Variants in NCKAP1 observed in about 807,000 individuals in gnomAD.
NCKAP1 encodes NCK associated protein 1, also known as nck-associated protein 1.
Under a neutral mutation model 151.2 loss-of-function variants are expected in NCKAP1, and 21 were observed. The ratio of observed to expected loss-of-function variants is 0.14; its 90% CI spans 0.10 to 0.20. NCKAP1 has a LOEUF of 0.20. NCKAP1 is among the 10% of genes least tolerant of loss of function. NCKAP1 has a pLI of 1.00. For missense variants in NCKAP1, 933 were observed against 1,352.1 expected, an observed-to-expected ratio of 0.69 and a Z score of 4.86; for synonymous variants, 484 against 451.8, an observed-to-expected ratio of 1.07 and a Z score of -0.90.
chr2:183,037,932 T>A (rs1292248738), intron 1 of NCKAP1, 60 bp downstream of exon 1: 9 of 1,351,958 alleles, frequency 6.7e-6, no homozygotes, highest in Non-Finnish European at 9.0e-6. Flanking sequence ...CGGCCTCCCT[T>A]GCCCTTCATC....
intron 23 of NCKAP1, among the ~76,000 whole-genome samples, chr2:182,944,918 A>T (rs1322023843): frequency 6.6e-6 from 1 of 152,194 alleles, no homozygotes; most frequent in African/African-American, 2.4e-5. Flanking sequence ...CCTGGGCAAC[A>T]CAGCAATATT....
rs1446756461 is a variant in NCKAP1, at chr2:182,923,734, TAGA to T, written c.*1965_*1967del. On this transcript the variant is annotated 3_prime_UTR_variant, in exon 31 of 31. Coordinates refer to ENST00000361354, the MANE Select transcript of NCKAP1 (RefSeq NM_013436.5). ...AAAATAGTATGTTGTTGTGTAAGTTTAGAAGAAAATAAAACAAACAAGATATTA... is the reference window on the plus strand; with the variant it reads ...AAAATAGTATGTTGTTGTGTAAGTTTAGAAAATAAAACAAACAAGATATTA... The T allele has an allele frequency of 6.6e-6, 1 of 152,224 alleles. No homozygotes were observed. Among genetic ancestry groups the T allele is most frequent in the Non-Finnish European group, 1.5e-5 (1 of 68,026 alleles). The allele number at this position is 152,224 out of a possible 1,614,324, so 9.4% of individuals were successfully genotyped here.
intron 24 of NCKAP1, among the ~76,000 whole-genome samples, chr2:182,937,550 T>G (rs1199062556): frequency 6.6e-6 from 1 of 152,160 alleles, no homozygotes. Flanking sequence ...AAGGAGTTTA[T>G]ACTGTATCCT....
intron 18 of NCKAP1, among the ~76,000 whole-genome samples, chr2:182,960,940 CAGA>C (rs956356455): frequency 8.5e-5 from 13 of 152,186 alleles, no homozygotes; most frequent in Admixed American, 6.5e-4. Flanking sequence ...AGACACTTCT[CAGA>C]AGAAGACATT....
chr2:182,989,294 T>C, intron 8 of NCKAP1, 108 bp from the exon 9 acceptor site: 1 of 750,864 alleles, frequency 1.3e-6, no homozygotes, highest in Non-Finnish European at 2.1e-6. Flanking sequence ...ATCACTAAAT[T>C]GAGGCTTCTG....
At chr2:182,938,874 A>G (rs1696935643) in intron 24 of NCKAP1, among the ~76,000 whole-genome samples, 1 of 152,206 alleles carries the variant, frequency 6.6e-6, no homozygotes, top group African/African-American at 2.4e-5. Flanking sequence ...AGCCAGAACA[A>G]GGAGTTCAAT....
chr2:183,000,298 A>G (rs965232537), intron 6 of NCKAP1, among the ~76,000 whole-genome samples: 1 of 152,212 alleles, frequency 6.6e-6, no homozygotes, highest in African/African-American at 2.4e-5. Flanking sequence ...CCTACTATAT[A>G]CTGAATTTGT....
chr2:182,969,768 CAGA>C (rs1358640173), intron 15 of NCKAP1, among the ~76,000 whole-genome samples: 1 of 151,674 alleles, frequency 6.6e-6, no homozygotes, highest in African/African-American at 2.4e-5. Flanking sequence ...CCAAAGTTAG[CAGA>C]AGGAGATAAG....
chr2:182,948,444 C>G (rs1324817701), intron 23 of NCKAP1, among the ~76,000 whole-genome samples: 1 of 151,936 alleles, frequency 6.6e-6, no homozygotes, highest in Non-Finnish European at 1.5e-5. Flanking sequence ...AATATCTGAG[C>G]GAGAATACAG....
chr2:183,027,213 T>A (rs1698914969), intron 1 of NCKAP1, among the ~76,000 whole-genome samples: 1 of 152,184 alleles, frequency 6.6e-6, no homozygotes, highest in Non-Finnish European at 1.5e-5. Context: ...GTGCCTCAGT[T>A]TCTTCAACTG....
Position 183,028,171 on chromosome 2 carries a change from A to AT in NCKAP1, c.109-4256dup, listed in dbSNP as rs201216817. 2.6e-5 allele frequency among the ~76,000 whole-genome samples: 4 copies of AT among 152,014 alleles called. No homozygotes were observed. The East Asian group carries it at 7.7e-4, about 29-fold the overall frequency. On this transcript the variant is annotated intron_variant, in intron 1 of 30. Transcript: ENST00000361354. ...TGTAAAATGATGTCTAAATCCCTGA[A>AT]TTTTATAGCCCTACCAAAAAAAAAA... is the stretch of plus-strand genomic sequence containing the variant.
chr2:182,940,481 C>T (rs540276677), intron 24 of NCKAP1, among the ~76,000 whole-genome samples: 9 of 151,996 alleles, frequency 5.9e-5, no homozygotes, highest in African/African-American at 2.2e-4. Flanking sequence ...CTCTTGTCGC[C>T]CAGGCTGTAG....
chr2:182,910,132 T>G lies in NCKAP1; in HGVS notation c.*15570A>C, dbSNP rs1205878105. On this transcript the variant is annotated 3_prime_UTR_variant, in exon 31 of 31. Coordinates refer to ENST00000361354, the MANE Select transcript of NCKAP1 (RefSeq NM_013436.5). ...TCTTTAACTGGTTCAGACTCTACTA[T>G]CTTGGAGGACTGCAGGTGCCCTGGT... The G allele has an allele frequency of 6.6e-6, 1 of 152,252 alleles. No individual in the cohort carries two copies. Among genetic ancestry groups the G allele is most frequent in the Non-Finnish European group, 1.5e-5 (1 of 68,080 alleles). The allele number at this position is 152,252 out of a possible 1,614,324, so 9.4% of individuals were successfully genotyped here.
intron 23 of NCKAP1, among the ~76,000 whole-genome samples, chr2:182,943,112 T>C (rs1349552803): frequency 6.6e-6 from 1 of 152,174 alleles, no homozygotes. Flanking sequence ...TTGTTCTCTA[T>C]AATGGTTCTC....
At chr2:183,030,307 G>C (rs774255466) in intron 1 of NCKAP1, among the ~76,000 whole-genome samples, 4 of 152,210 alleles carry the variant, frequency 2.6e-5, no homozygotes, top group Middle Eastern at 3.4e-3. Flanking sequence ...TTACAAGCAC[G>C]CACTACTACT....
At position 183,007,458 on chromosome 2, in the gene NCKAP1, A is replaced by G. The variant is rs532320439; in HGVS notation, c.220-4133T>C. 2.0e-5 allele frequency among the ~76,000 whole-genome samples: 3 copies of G among 152,304 alleles called. No individual in the cohort carries two copies. In the East Asian group the frequency reaches 5.8e-4, roughly 29 times the overall value. On this transcript the variant is annotated intron_variant, in intron 2 of 30. Coordinates refer to ENST00000361354, the MANE Select transcript of NCKAP1 (RefSeq NM_013436.5). ...AAAATTGAAATTTATTATGTATTCT[A>G]AATCCTAAAGTATTTCATTCTTCCA...
intron 1 of NCKAP1, among the ~76,000 whole-genome samples, chr2:183,031,659 A>G (rs1237477064): frequency 2.0e-5 from 3 of 152,198 alleles, no homozygotes; most frequent in Non-Finnish European, 4.4e-5. Context: ...CCATTTCCTC[A>G]GCTCTTACGC....
At chr2:183,009,806 G>A (rs1183748957) in intron 2 of NCKAP1, among the ~76,000 whole-genome samples, 1 of 152,110 alleles carries the variant, frequency 6.6e-6, no homozygotes, top group Non-Finnish European at 1.5e-5. Flanking sequence ...CCAGAAAAGG[G>A]TAAGATGCCA....
At chr2:182,974,580 G>A (rs181147651) in intron 15 of NCKAP1, among the ~76,000 whole-genome samples, 125 of 152,242 alleles carry the variant, frequency 8.2e-4, no homozygotes, top group Middle Eastern at 6.8e-3. Context: ...AATGCCTTTA[G>A]AGTAATGCAA....
Sources: allele counts gnomAD v4.1 joint callset (sites outside exome capture counted in the v4.1 genomes callset), GRCh38; gene constraint gnomAD v4.1.1; transcripts MANE v1.5; gene names NCBI Gene and HGNC (gene_info 2026-07-23, HGNC 2026-07-21).